Variants in FDXACB1 observed in about 807,000 individuals in gnomAD.
FDXACB1 encodes the protein ferredoxin-fold anticodon-binding domain-containing protein 1.
Under a neutral mutation model 51.7 loss-of-function variants are expected in FDXACB1, and 41 were observed. The observed-to-expected ratio is 0.79, with a 90% confidence interval of 0.62 to 1.03. The LOEUF (loss-of-function observed/expected upper bound fraction) is 1.03. Ranked by LOEUF, FDXACB1 falls within the 50% of genes least tolerant of loss-of-function variation. The pLI, the probability that FDXACB1 is intolerant of heterozygous loss-of-function variation, is 0.00. For synonymous variants in FDXACB1, 273 were observed against 278.6 expected, an observed-to-expected ratio of 0.98 and a Z score of 0.20; for missense variants, 697 against 746.4, an observed-to-expected ratio of 0.93 and a Z score of 0.77.
Position 111,875,934 on chromosome 11 carries a change from G to C in FDXACB1, c.863C>G (p.Ala288Gly). 6.2e-7 allele frequency: 1 copy of C among 1,613,952 alleles called. No individual in the cohort carries two copies. Among genetic ancestry groups the C allele is most frequent in the Non-Finnish European group, 8.5e-7 (1 of 1,179,898 alleles). Residue 288 changes from alanine to glycine, a missense_variant, in exon 5 of 5, where the codon GCT becomes GGT. Coordinates refer to ENST00000260257, the MANE Select transcript of FDXACB1 (RefSeq NM_138378.3). The stretch of plus-strand genomic sequence containing the variant: ...ATCTTCATGGAGACTAATCCAAAAA[G>C]CAGCTGACAGAAAGTCACAATTCCA... ...PFWNCDFLSA[A>G]FWISLHEDNS...
At chr11:111,876,432 C>A (rs372752086) in intron 4 of FDXACB1, 49 bp downstream of exon 4, 1 of 1,581,666 alleles carries the variant, frequency 6.3e-7, no homozygotes, top group Non-Finnish European at 8.6e-7. Context: ...TCAAGACAAT[C>A]AGGATACAAC....
Position 111,875,412 on chromosome 11 carries a change from G to C in FDXACB1, c.1385C>G (p.Thr462Ser), listed in dbSNP as rs574668776. ...VKTHNFSPDC[T>S]EDLIIGSVIT... The stretch of plus-strand genomic sequence containing the variant: ...AACAGACCCAATAATTAGATCCTCA[G>C]TACAATCTGGGCTAAAATTATGAGT... Residue 462 changes from threonine (T) to serine (S), a missense_variant, in exon 5 of 5, where the codon ACT becomes AGT. Physicochemically the swap from Thr to Ser is moderately conservative, Grantham distance 58. Coordinates refer to ENST00000260257, the MANE Select transcript of FDXACB1 (RefSeq NM_138378.3). 17 of 1,613,428 alleles carry C rather than the reference G, an allele frequency of 1.1e-5. No individual in the cohort carries two copies. The highest frequency in any genetic ancestry group is 1.4e-5 in the Non-Finnish European group (17 of 1,179,824).
At chr11:111,876,309 A>C (rs915436060) in intron 4 of FDXACB1, among the ~76,000 whole-genome samples, 172 bp downstream of exon 4, 15 of 152,236 alleles carry the variant, frequency 9.9e-5, no homozygotes, top group Non-Finnish European at 2.2e-4. Flanking sequence ...AATATATCAG[A>C]AAATGTGACC....
At chr11:111,878,883 A>C (rs1433466897) in intron 1 of FDXACB1, 78 bp downstream of exon 1, 1 of 1,536,032 alleles carries the variant, frequency 6.5e-7, no homozygotes, top group Non-Finnish European at 8.8e-7. Context: ...CGTGGGTTAC[A>C]TCCCCACGCC....
chr11:111,876,515 G>C lies in FDXACB1; in HGVS notation c.658C>G (p.Pro220Ala), dbSNP rs782347826. ...TTTCCTACAAGTGCTTCTGGTTCTGGAAAGGAAAACCACTGGTTACCCAGT... is the reference window on the plus strand; with the variant it reads ...TTTCCTACAAGTGCTTCTGGTTCTGCAAAGGAAAACCACTGGTTACCCAGT... ...IKLGNQWFSF[P>A]EPEALVGKLN... Residue 220 changes from proline (P) to alanine (A), a missense_variant, in exon 4 of 5, where the codon CCA becomes GCA. This residue lies in a region of FDXACB1 where 538 missense variants were observed against 592.2 expected (regional missense o/e 0.91). Transcript: ENST00000260257. 8.1e-6 allele frequency: 13 copies of C among 1,613,676 alleles called. No homozygotes were observed. Among genetic ancestry groups the C allele is most frequent in the South Asian group, 1.1e-5 (1 of 91,066 alleles).
Position 111,876,615 on chromosome 11 carries a change from T to C in FDXACB1, c.558A>G (p.Val186=), listed in dbSNP as rs782395814. The part of the protein sequence containing the change: ...GYRSQDKSFH[V]EGALNHIFTR... ...TGAAGATATGGTTCAAAGCACCTTCTACATGAAAGGACTTATCTTGACTCC... is the reference window on the plus strand; with the variant it reads ...TGAAGATATGGTTCAAAGCACCTTCCACATGAAAGGACTTATCTTGACTCC... Residue 186 remains valine, a synonymous_variant, in exon 4 of 5, where the codon GTA becomes GTG. Coordinates refer to ENST00000260257, the MANE Select transcript of FDXACB1 (RefSeq NM_138378.3). 3.1e-6 allele frequency: 5 copies of C among 1,613,808 alleles called. No individual in the cohort carries two copies. Among genetic ancestry groups the C allele is most frequent in the Non-Finnish European group, 4.2e-6 (5 of 1,179,830 alleles).
chr11:111,875,687 G>A lies in FDXACB1; in HGVS notation c.1110C>T (p.His370=), dbSNP rs1555162013. Reference sequence around the variant, plus strand: ...TCTGAAAGACAGGTCCACTGAGGATGTGCAGAGAACCTGAGAGGAAGTCTG... The same window carrying A: ...TCTGAAAGACAGGTCCACTGAGGATATGCAGAGAACCTGAGAGGAAGTCTG... The part of the protein sequence containing the change: ...EVPDFLSGSL[H]ILSGPVFQKC... Residue 370 remains histidine, a synonymous_variant, in exon 5 of 5, where the codon CAC becomes CAT. Transcript: ENST00000260257. 7.4e-6 allele frequency: 12 copies of A among 1,613,656 alleles called. No individual in the cohort carries two copies. Among genetic ancestry groups the A allele is most frequent in the Non-Finnish European group, 1.0e-5 (12 of 1,179,896 alleles).
In FDXACB1 at chr11:111,875,810, T is replaced by C. The variant is rs1555162048; in HGVS notation, c.987A>G (p.Arg329=). Residue 329 remains arginine (R), a synonymous_variant, in exon 5 of 5, where the codon AGA becomes AGG. Transcript: ENST00000260257. ...CTTCACAAGCTTCTTCTTTACCATC[T>C]CTTCCAGGATTCTTGAGAAGGCTAA... is the stretch of plus-strand genomic sequence containing the variant. ...SELSLLKNPG[R]DGKEEACEGT... is the part of the protein sequence containing the mutation. The C allele has an allele frequency of 3.1e-6, 5 of 1,613,740 alleles. No individual in the cohort carries two copies. The highest frequency in any genetic ancestry group is 1.6e-4 in the Middle Eastern group (1 of 6,062).
rs1555162241 is a variant in FDXACB1, at chr11:111,876,885, G to A, written c.456C>T (p.Ala152=). The part of the protein sequence containing the change: ...HNSWQVVAMA[A]LGGLILSDVY... ...CGTCGCTTAAAATGAGCCCCCCCAG[G>A]GCTGCCATGGCAACCACTTGCCAAC... is the stretch of plus-strand genomic sequence containing the variant. Residue 152 remains alanine (A), a synonymous_variant, in exon 3 of 5, where the codon GCC becomes GCT. Transcript: ENST00000260257. 2.5e-6 allele frequency: 4 copies of A among 1,613,466 alleles called. No individual in the cohort carries two copies. The highest frequency in any genetic ancestry group is 3.4e-6 in the Non-Finnish European group (4 of 1,179,724).
At position 111,874,638 on chromosome 11, in the gene FDXACB1, C is replaced by T; in HGVS notation, c.*284G>A. ...GGCGTGGTGGCAGGTGCCTGTAGTC[C>T]CAGCTACTCGGGAGGCTGAGGCAGG... On this transcript the variant is annotated 3_prime_UTR_variant, in exon 5 of 5. Transcript: ENST00000260257. 3.5e-6 allele frequency: 1 copy of T among 289,226 alleles called. No individual in the cohort carries two copies. Among genetic ancestry groups the T allele is most frequent in the Non-Finnish European group, 6.4e-6 (1 of 155,560 alleles). 17.9% of individuals were successfully genotyped at this position (289,226 alleles called of 1,614,324 possible).
chr11:111,876,546 C>T lies in FDXACB1; in HGVS notation c.627G>A (p.Arg209=), dbSNP rs782053847. 3 of 1,613,894 alleles carry T rather than the reference C, an allele frequency of 1.9e-6. No homozygotes were observed. Among genetic ancestry groups the T allele is most frequent in the Non-Finnish European group, 2.5e-6 (3 of 1,179,892 alleles). The change falls in exon 4 of 5, where the codon AGG becomes AGA. Residue 209 remains arginine, a synonymous_variant. Transcript: ENST00000260257. ...PFEGSQPRIF[R]IKLGNQWFSF... ...AAAACCACTGGTTACCCAGTTTGAT[C>T]CTGAAGATTCTGGGTTGAGAACCTT...
chr11:111,878,935 G>A, intron 1 of FDXACB1, 26 bp downstream of exon 1: 2 of 1,584,758 alleles, frequency 1.3e-6, no homozygotes, highest in Non-Finnish European at 1.7e-6. Flanking sequence ...GCTGGGCGGG[G>A]TTTCGCAGAG....
At chr11:111,878,831 GC>G in intron 1 of FDXACB1, 119 bp from the exon 2 acceptor site, 1 of 1,507,334 alleles carries the variant, frequency 6.6e-7, no homozygotes, top group Non-Finnish European at 8.9e-7. Context: ...CACAAAGCCG[GC>G]TTTATGTGAA....
rs782363909 is a variant in FDXACB1 at position 111,875,734 on chromosome 11, C to A, written c.1063G>T (p.Val355Phe). The change falls in exon 5 of 5, where the codon GTT becomes TTT. Residue 355 changes from valine (V) to phenylalanine (F), a missense_variant. Physicochemically the swap from Val to Phe is conservative, Grantham distance 50 (BLOSUM62 -1). Coordinates refer to ENST00000260257, the MANE Select transcript of FDXACB1 (RefSeq NM_138378.3). The stretch of plus-strand genomic sequence containing the variant: ...TCTGGTACTTCGATGACATCCTGAA[C>A]ATGCACTAGGAGAGAAGGTCTAAGG... ...ICLRPSLLVH[V>F]QDVIEVPDFL... is the part of the protein sequence containing the mutation. 12 of 1,613,656 alleles carry A rather than the reference C, an allele frequency of 7.4e-6. No individual in the cohort carries two copies. The highest frequency in any genetic ancestry group is 9.3e-6 in the Non-Finnish European group (11 of 1,179,884).
Position 111,879,159 on chromosome 11 carries a change from TC to T in FDXACB1, c.-28del, listed in dbSNP as rs1555162745. On this transcript the variant is annotated 5_prime_UTR_variant, in exon 1 of 5. Transcript: ENST00000260257. The stretch of plus-strand genomic sequence containing the variant: ...GCCTCCACGGACTCCCGGCTCGCGT[TC>T]TCTGTGGCGCTCGTTTTACGTCACT... 6.3e-7 allele frequency: 1 copy of T among 1,589,964 alleles called. No individual in the cohort carries two copies.
chr11:111,876,620 G>C lies in FDXACB1; in HGVS notation c.553C>G (p.His185Asp), dbSNP rs1964821854. 2 of 1,613,438 alleles carry C rather than the reference G, an allele frequency of 1.2e-6. No individual in the cohort carries two copies. Among genetic ancestry groups the C allele is most frequent in the African/African-American group, 1.3e-5 (1 of 74,920 alleles). Residue 185 changes from histidine (H) to aspartate (D), a missense_variant, in exon 4 of 5, where the codon CAT (histidine) becomes GAT (aspartate). His to Asp is a moderately conservative substitution (Grantham distance 81). Around this residue, in one of 3 missense-constraint regions of FDXACB1, gnomAD observed 538 missense variants for 592.2 expected, o/e 0.91. Coordinates refer to ENST00000260257, the MANE Select transcript of FDXACB1 (RefSeq NM_138378.3). ...TGYRSQDKSF[H>D]VEGALNHIFT... ...ATATGGTTCAAAGCACCTTCTACAT[G>C]AAAGGACTTATCTTGACTCCTGGCA...
In FDXACB1 at chr11:111,874,083, T is replaced by A. The variant is rs531995722; in HGVS notation, c.*839A>T. ...AACCCTAAATCTGACACTTTATTCG[T>A]TCCATGACTTTCAACCACAGAATTA... On this transcript the variant is annotated 3_prime_UTR_variant, in exon 5 of 5. Transcript: ENST00000260257. 131 of 152,322 alleles carry A rather than the reference T, an allele frequency of 8.6e-4. 1 individual carries two copies. The highest frequency in any genetic ancestry group is 2.8e-3 in the African/African-American group (117 of 41,550). The allele number at this position is 152,322 out of a possible 1,614,324, so 9.4% of individuals were successfully genotyped here.
At chr11:111,876,758 T>C (rs782647899) in intron 3 of FDXACB1, 50 bp downstream of exon 3, 1 of 1,598,644 alleles carries the variant, frequency 6.3e-7, no homozygotes, top group Non-Finnish European at 8.5e-7. Flanking sequence ...TTGTTATCAT[T>C]AGTGAGAGAG....
Position 111,878,968 on chromosome 11 carries a change from G to A in FDXACB1, c.165C>T (p.Arg55=), listed in dbSNP as rs1352903736. 3 of 1,595,192 alleles carry A rather than the reference G, an allele frequency of 1.9e-6. No individual in the cohort carries two copies. The highest frequency in any genetic ancestry group is 1.8e-5 in the Admixed American group (1 of 56,160). Residue 55 remains arginine, a synonymous_variant, in exon 1 of 5, where the codon CGC becomes CGT. Transcript: ENST00000260257. ...PLAWENLQCL[R]ERGIDVRFGV... is the part of the protein sequence containing the mutation. ...GAGGGGCGGGCTCGCTACCTCGCTC[G>A]CGCAGGCACTGCAGATTCTCCCAGG...
Sources: allele counts gnomAD v4.1 joint callset (sites outside exome capture counted in the v4.1 genomes callset), GRCh38; gene constraint gnomAD v4.1.1; regional missense constraint gnomAD v4.1.1; transcripts MANE v1.5; gene names NCBI Gene and HGNC (gene_info 2026-07-23, HGNC 2026-07-21).